The following PRH1 variants were observed in gnomAD, a reference collection of about 807,000 sequenced individuals.
PRH1 encodes the protein proline rich protein HaeIII subfamily 1, also known as salivary acidic proline-rich phosphoprotein 1/2.
Under a neutral mutation model 7.9 loss-of-function variants are expected in PRH1, and 7 were observed. That is an observed-to-expected ratio of 0.89 (90% confidence interval 0.50 to 1.67). The LOEUF (loss-of-function observed/expected upper bound fraction) is 1.67, where lower values mean the gene tolerates loss of function less well. Ranked by LOEUF, PRH1 falls within the 40% of genes most tolerant of loss-of-function variation. PRH1 has a pLI of 0.00. For missense variants in PRH1, 109 were observed against 223.6 expected (o/e 0.49, Z 3.27); for synonymous variants, 45 against 80.8 (o/e 0.56, Z 2.38).
chr12:10,920,976 T>C (rs1169868370), intron 2 of PRH1, among the ~76,000 whole-genome samples: 1 of 152,118 alleles, frequency 6.6e-6, no homozygotes, highest in East Asian at 1.9e-4. Context: ...GAGATAATTT[T>C]ATGTAAATTA....
chr12:10,885,767 T>C (rs1015904672), upstream of PRH1, among the ~76,000 whole-genome samples: 1 of 152,230 alleles, frequency 6.6e-6, no homozygotes, highest in African/African-American at 2.4e-5. Context: ...TTGTGCATGG[T>C]TAGTCTTTAT....
intron 2 of PRH1, chr12:10,909,127 G>A (rs1167255668): frequency 1.9e-6 from 3 of 1,613,794 alleles, no homozygotes; most frequent in Non-Finnish European, 2.5e-6. Flanking sequence ...TCCCAGATCA[G>A]CCCAATTCTG....
At chr12:11,041,288 C>CAAAAAAAAAAAAAAAAAAAAA (rs67144212) in intron 1 of PRH1, among the ~76,000 whole-genome samples, 1 of 81,392 alleles carries the variant, frequency 1.2e-5, no homozygotes, top group African/African-American at 5.4e-5. Flanking sequence ...CAATGCAAAC[C>CAAAAAAAAAAAAAAAAAAAAA]AAAAAAAAAA....
chr12:10,920,066 T>C (rs1950025365), intron 2 of PRH1, among the ~76,000 whole-genome samples: 1 of 152,046 alleles, frequency 6.6e-6, no homozygotes, highest in Admixed American at 6.6e-5. Flanking sequence ...AGCTACTTTT[T>C]TGATGCTTTT....
intron 1 of PRH1, among the ~76,000 whole-genome samples, chr12:11,147,013 T>C (rs922010903): frequency 2.0e-5 from 3 of 152,232 alleles, no homozygotes; most frequent in Non-Finnish European, 4.4e-5. Flanking sequence ...CCTCCTTCTT[T>C]TTCCAAGTTT....
intron 1 of PRH1, among the ~76,000 whole-genome samples, chr12:11,018,912 G>C (rs1487360340): frequency 1.3e-5 from 2 of 152,276 alleles, no homozygotes; most frequent in East Asian, 3.8e-4. Context: ...ACTGTCTGGT[G>C]GGGGGAAAGT....
intron 1 of PRH1, among the ~76,000 whole-genome samples, chr12:11,103,984 C>G (rs1030335076): frequency 6.6e-6 from 1 of 151,912 alleles, no homozygotes; most frequent in South Asian, 2.1e-4. Context: ...GATAATCACA[C>G]GTGTTTAGAT....
intron 1 of PRH1, among the ~76,000 whole-genome samples, chr12:11,137,702 G>C (rs1012858272): frequency 6.6e-6 from 1 of 152,098 alleles, no homozygotes; most frequent in African/African-American, 2.4e-5. Context: ...CTAAATCTAA[G>C]TGTATTGAGC....
intron 1 of PRH1, chr12:10,985,999 GT>G: frequency 6.2e-7 from 1 of 1,613,730 alleles, no homozygotes; most frequent in Non-Finnish European, 8.5e-7. Flanking sequence ...AGAAAGGTGT[GT>G]TTTAGCTTCT....
At chr12:10,962,340 C>A (rs1455277071) in intron 2 of PRH1, among the ~76,000 whole-genome samples, 1 of 152,106 alleles carries the variant, frequency 6.6e-6, no homozygotes, top group East Asian at 1.9e-4. Flanking sequence ...ACAAATATAT[C>A]ATTCACAATC....
intron 1 of PRH1, chr12:11,166,004 C>A (rs1333073202): frequency 6.6e-6 from 1 of 152,220 alleles, no homozygotes; most frequent in Non-Finnish European, 1.5e-5. Context: ...TGTCTACGTA[C>A]CTTTGCCTCA....
At chr12:10,916,421 C>T (rs1263636781) in intron 2 of PRH1, among the ~76,000 whole-genome samples, 1 of 152,076 alleles carries the variant, frequency 6.6e-6, no homozygotes, top group Non-Finnish European at 1.5e-5. Flanking sequence ...GAAGATTACA[C>T]TTTTTTTCCT....
chr12:11,074,216 A>AAAAAATAAT (rs1944202793), intron 1 of PRH1, among the ~76,000 whole-genome samples: 1 of 25,846 alleles, frequency 3.9e-5, no homozygotes, highest in Non-Finnish European at 1.6e-4. Context: ...AAGTCTAATT[A>AAAAAATAAT]AAAAGAGCAC....
rs1950520837 is a variant in PRH1, at chr12:10,948,468, GCT to G, written c.-59+25185_-59+25186del. ...TGAGATTCTTGTATTGCGTTATTCA[GCT>G]CTGTCAGACCCATTAAATTCTTTCT... On this transcript the variant is annotated intron_variant, in intron 2 of 3. Transcript: ENST00000539853. Among the ~76,000 whole-genome samples, 3 of 152,130 alleles carry G rather than the reference GCT, an allele frequency of 2.0e-5. No individual in the cohort carries two copies. The South Asian group carries it at 6.2e-4, about 31-fold the overall frequency.
rs1176550869 is a variant in PRH1, at chr12:11,094,234, G to A, written n.124-47046C>T. 1.6e-4 allele frequency among the ~76,000 whole-genome samples: 16 copies of A among 101,566 alleles called. 5 individuals carry two copies. Among genetic ancestry groups the A allele is most frequent in the African/African-American group, 4.8e-4 (14 of 29,340 alleles). 66.6% of individuals were successfully genotyped at this position (101,566 alleles called of 152,430 possible). On this transcript the variant is annotated intron_variant and non_coding_transcript_variant, in intron 1 of 4. Coordinates refer to the PRH1 transcript ENST00000541977. ...GGAGAATGGCGTGAACCCCGGAGGCGGAGGTTGCAGTAAACTGAGATCACG... is the reference window on the plus strand; with the variant it reads ...GGAGAATGGCGTGAACCCCGGAGGCAGAGGTTGCAGTAAACTGAGATCACG...
chr12:11,111,376 T>C lies in PRH1; in HGVS notation n.123+60046A>G, dbSNP rs569010555. On this transcript the variant is annotated intron_variant and non_coding_transcript_variant, in intron 1 of 4. Coordinates refer to the PRH1 transcript ENST00000541977. ...TCTTCTCAGCACCACATCACACTAA[T>C]TCTAAAACTGACCACATAAGTGGAA... 7.2e-5 allele frequency among the ~76,000 whole-genome samples: 11 copies of C among 152,296 alleles called. No homozygotes were observed. In the South Asian group the frequency reaches 1.7e-3, roughly 23 times the overall value.
chr12:10,999,601 C>T (rs11054145), intron 1 of PRH1, among the ~76,000 whole-genome samples: 46,333 of 152,054 alleles, frequency 0.3, 8,916 homozygotes, highest in East Asian at 0.74. Context: ...ATGTAACCAT[C>T]ATGCAGGATA....
intron 1 of PRH1, among the ~76,000 whole-genome samples, chr12:11,150,238 C>A (rs1340051312): frequency 5.3e-5 from 8 of 151,364 alleles, no homozygotes; most frequent in Admixed American, 3.9e-4. Context: ...TAAACTAGTT[C>A]AACCATTGTG....
chr12:11,102,470 T>TG (rs138318309), intron 1 of PRH1, among the ~76,000 whole-genome samples: 34,654 of 152,012 alleles, frequency 0.23, 4,001 homozygotes, highest in Non-Finnish European at 0.24. Context: ...TAAATGGTGC[T>TG]GGAAAACTGG....
Sources: gnomAD v4.1 joint callset for allele counts (sites outside exome capture counted in the v4.1 genomes callset) on GRCh38, gnomAD v4.1.1 for gene constraint, MANE v1.5 for transcripts, NCBI Gene and HGNC (gene_info 2026-07-23, HGNC 2026-07-21) for gene names.